The following TCERG1L variants were observed in gnomAD, a reference collection of about 807,000 sequenced individuals.
TCERG1L encodes the protein transcription elongation regulator 1 like.
Under a neutral mutation model 56.3 loss-of-function variants are expected in TCERG1L, and 37 were observed. That is an observed-to-expected ratio of 0.66 (90% CI 0.51 to 0.87). The LOEUF is 0.87. TCERG1L is among the 40% of genes least tolerant of loss of function. TCERG1L has a pLI of 0.00. For synonymous variants in TCERG1L, 324 were observed against 326.3 expected (o/e 0.99, Z 0.08); for missense variants, 799 against 774.2 (o/e 1.03, Z -0.38).
At chr10:131,218,162 G>C (rs962464961) in intron 4 of TCERG1L, among the ~76,000 whole-genome samples, 1 of 152,136 alleles carries the variant, frequency 6.6e-6, no homozygotes, top group Admixed American at 6.5e-5. Context: ...TCATTACTGC[G>C]TTTCCTGGTG....
chr10:131,093,459 G>C (rs1049882425), intron 11 of TCERG1L, 141 bp from the exon 12 acceptor site: 1 of 996,870 alleles, frequency 1.0e-6, no homozygotes, highest in African/African-American at 1.6e-5. Flanking sequence ...CGGTGGGTGA[G>C]CGGCTCTGAC....
At chr10:131,096,214 A>G (rs529261718) in intron 11 of TCERG1L, among the ~76,000 whole-genome samples, 109 of 152,346 alleles carry the variant, frequency 7.2e-4, no homozygotes, top group Non-Finnish European at 8.7e-4. Flanking sequence ...AAGATGGGCC[A>G]GGGCCAGGCT....
intron 4 of TCERG1L, among the ~76,000 whole-genome samples, chr10:131,195,731 C>T (rs1845353553): frequency 6.6e-6 from 1 of 152,202 alleles, no homozygotes; most frequent in East Asian, 1.9e-4. Flanking sequence ...CCACCCTTCC[C>T]ACACCCTTTT....
chr10:131,289,539 GTA>G lies in TCERG1L; in HGVS notation c.670+18670_670+18671del, dbSNP rs1564834777. Among the ~76,000 whole-genome samples, 43 of 124,406 alleles carry G rather than the reference GTA, an allele frequency of 3.5e-4. 12 individuals are homozygous for G. Among genetic ancestry groups the G allele is most frequent in the Middle Eastern group, 8.3e-3 (2 of 242 alleles). The allele number at this position is 124,406 out of a possible 152,430, so 81.6% of individuals were successfully genotyped here. A position where few individuals can be genotyped will look rare whatever the true frequency, so the allele number is the denominator to read the frequency against. ...CACTGCCTCCATCTCCTATCGGTGT[GTA>G]TGTGTGCACCGCTGTGTGTGAGCAG... On this transcript the variant is annotated intron_variant, in intron 3 of 11. Transcript: ENST00000368642.
At chr10:131,181,825 C>T (rs967204317) in intron 4 of TCERG1L, among the ~76,000 whole-genome samples, 3 of 152,244 alleles carry the variant, frequency 2.0e-5, no homozygotes, top group African/African-American at 7.2e-5. Context: ...CTCGTGGTAG[C>T]CACTATTCTA....
At chr10:131,268,111 C>G (rs61861233) in intron 3 of TCERG1L, among the ~76,000 whole-genome samples, 1 of 152,116 alleles carries the variant, frequency 6.6e-6, no homozygotes, top group Non-Finnish European at 1.5e-5. Flanking sequence ...GCTCCATAGC[C>G]GGCCTTGAGC....
At chr10:131,233,716 G>A (rs540687970) in intron 4 of TCERG1L, among the ~76,000 whole-genome samples, 1 of 152,098 alleles carries the variant, frequency 6.6e-6, no homozygotes, top group African/African-American at 2.4e-5. Context: ...TCCATTAAAC[G>A]TTTAAGAAGT....
chr10:131,246,579 GTGAATC>G (rs1391476210), intron 4 of TCERG1L, among the ~76,000 whole-genome samples: 1 of 151,660 alleles, frequency 6.6e-6, no homozygotes, highest in Non-Finnish European at 1.5e-5. Context: ...TTAGGGGCTT[GTGAATC>G]TCCTCCTCTC....
chr10:131,302,252 A>T (rs1169933609), intron 3 of TCERG1L, among the ~76,000 whole-genome samples: 1 of 151,650 alleles, frequency 6.6e-6, no homozygotes, highest in African/African-American at 2.4e-5. Flanking sequence ...TGCCTCCAAC[A>T]TTCATAAAAT....
At chr10:131,207,317 C>T (rs1004348561) in intron 4 of TCERG1L, among the ~76,000 whole-genome samples, 3 of 152,182 alleles carry the variant, frequency 2.0e-5, no homozygotes, top group African/African-American at 7.2e-5. Context: ...ATGAGTGTCA[C>T]CTGGTTTCAC....
At chr10:131,251,582 G>C (rs1036065092) in intron 4 of TCERG1L, among the ~76,000 whole-genome samples, 2 of 152,132 alleles carry the variant, frequency 1.3e-5, no homozygotes, top group African/African-American at 4.8e-5. Context: ...CCGGTCGCTG[G>C]AAAGGCCATT....
intron 3 of TCERG1L, among the ~76,000 whole-genome samples, chr10:131,285,507 A>T (rs1846520116): frequency 4.6e-5 from 1 of 21,620 alleles, no homozygotes; most frequent in Admixed American, 6.0e-4. Context: ...AAAGAAAGAA[A>T]GAAAGAAAGA....
At chr10:131,274,206 C>T (rs1449089399) in intron 3 of TCERG1L, among the ~76,000 whole-genome samples, 1 of 152,154 alleles carries the variant, frequency 6.6e-6, no homozygotes, top group South Asian at 2.1e-4. Flanking sequence ...AGAAAATATC[C>T]ACATTTTCAT....
At chr10:131,101,575 C>T (rs1469075337) in intron 10 of TCERG1L, among the ~76,000 whole-genome samples, 1 of 152,144 alleles carries the variant, frequency 6.6e-6, no homozygotes, top group Non-Finnish European at 1.5e-5. Context: ...ACATGCCACA[C>T]ACGCCACACA....
At chr10:131,241,909 C>A (rs1409440671) in intron 4 of TCERG1L, among the ~76,000 whole-genome samples, 1 of 151,824 alleles carries the variant, frequency 6.6e-6, no homozygotes, top group Non-Finnish European at 1.5e-5. Context: ...AAACACAAGT[C>A]ACCTGTACAG....
intron 3 of TCERG1L, among the ~76,000 whole-genome samples, chr10:131,307,400 A>G (rs1268464095): frequency 1.3e-5 from 2 of 152,222 alleles, no homozygotes; most frequent in Non-Finnish European, 2.9e-5. Context: ...TATTCACAAG[A>G]ACATCTTATT....
intron 4 of TCERG1L, among the ~76,000 whole-genome samples, chr10:131,256,992 G>GGAAGGAAGGAAAGGAA (rs1846173015): frequency 5.1e-5 from 3 of 59,170 alleles, no homozygotes; most frequent in African/African-American, 1.7e-4. Context: ...AAGGAAGGAA[G>GGAAGGAAGGAAAGGAA]GAAAGAAAGA....
intron 4 of TCERG1L, among the ~76,000 whole-genome samples, chr10:131,186,722 C>T (rs1272787450): frequency 2.0e-5 from 3 of 152,116 alleles, no homozygotes; most frequent in African/African-American, 7.2e-5. Context: ...AGGGCTGTGG[C>T]GCTGAAGGCT....
At chr10:131,227,667 T>C (rs1845807214) in intron 4 of TCERG1L, among the ~76,000 whole-genome samples, 1 of 152,154 alleles carries the variant, frequency 6.6e-6, no homozygotes, top group Non-Finnish European at 1.5e-5. Flanking sequence ...CCGAGGGTTT[T>C]CCATCAGGCG....
Sources: gnomAD v4.1 joint callset for allele counts (sites outside exome capture counted in the v4.1 genomes callset) on GRCh38, gnomAD v4.1.1 for gene constraint, MANE v1.5 for transcripts, NCBI Gene and HGNC (gene_info 2026-07-23, HGNC 2026-07-21) for gene names.